TTC23L: variants seen among roughly 807,000 people sequenced by gnomAD.
The protein encoded by TTC23L is tetratricopeptide repeat protein 23-like.
Under a neutral mutation model 48.1 loss-of-function variants are expected in TTC23L, and 42 were observed. The observed-to-expected ratio is 0.87, with a 90% CI of 0.68 to 1.13. TTC23L has a LOEUF of 1.13. TTC23L is among the 50% of genes most tolerant of loss of function. The probability of loss-of-function intolerance (pLI) is 0.00; values close to 1 mark genes in which losing one functional copy is unlikely to be tolerated. For synonymous variants in TTC23L, 159 were observed against 157.2 expected, an observed-to-expected ratio of 1.01 and a Z score of -0.09; for missense variants, 391 against 421.0, an observed-to-expected ratio of 0.93 and a Z score of 0.62.
the TTC23L span, among the ~76,000 whole-genome samples, chr5:34,911,068 C>T: frequency 6.6e-6 from 1 of 152,174 alleles, no homozygotes; most frequent in African/African-American, 2.4e-5. Context: ...CTTGGCTTCA[C>T]CTTGGTTTTA....
chr5:34,908,613 G>A, the TTC23L span: 2 of 599,522 alleles, frequency 3.3e-6, no homozygotes, highest in Non-Finnish European at 5.7e-6. Context: ...ACAAAACATA[G>A]TAACTATTAG....
At chr5:34,916,020 T>C in the TTC23L span, 2 of 1,174,530 alleles carry the variant, frequency 1.7e-6, no homozygotes, top group African/African-American at 3.1e-5. Flanking sequence ...GGTAGGTCGG[T>C]TTTAGCAATT....
intron 6 of TTC23L, 93 bp from the exon 7 acceptor site, chr5:34,866,799 G>A: frequency 7.7e-7 from 1 of 1,291,882 alleles, no homozygotes; most frequent in Non-Finnish European, 1.0e-6. Flanking sequence ...GCCTGTGAAG[G>A]CCAAATTCTT....
chr5:34,920,400 A>G, the TTC23L span: 1 of 152,192 alleles, frequency 6.6e-6, no homozygotes, highest in Non-Finnish European at 1.5e-5. Context: ...ATAAATTTAC[A>G]TTTTAAAGCA....
At chr5:34,840,138 C>T (rs1442602833) in intron 1 of TTC23L, among the ~76,000 whole-genome samples, 1 of 151,682 alleles carries the variant, frequency 6.6e-6, no homozygotes, top group Non-Finnish European at 1.5e-5. Context: ...GTGATCCACC[C>T]GCCTCGGCTT....
the TTC23L span, chr5:34,911,633 G>C: frequency 8.1e-6 from 13 of 1,613,982 alleles, no homozygotes; most frequent in Middle Eastern, 1.6e-4. Context: ...GCTTCACGGA[G>C]CCCCTCTGAC....
At chr5:34,897,111 T>C (rs2111866314) in intron 10 of TTC23L, among the ~76,000 whole-genome samples, 1 of 152,146 alleles carries the variant, frequency 6.6e-6, no homozygotes, top group Middle Eastern at 3.4e-3. Flanking sequence ...TTCGGCTGGG[T>C]GCTGTAGCTC....
intron 4 of TTC23L, among the ~76,000 whole-genome samples, chr5:34,856,595 A>T (rs1760147455): frequency 6.6e-6 from 1 of 152,242 alleles, no homozygotes; most frequent in Non-Finnish European, 1.5e-5. Flanking sequence ...AGGTTGAAGT[A>T]ATAGGAGTTG....
chr5:34,847,791 A>G (rs1261068806), intron 3 of TTC23L, among the ~76,000 whole-genome samples: 1 of 152,202 alleles, frequency 6.6e-6, no homozygotes, highest in Non-Finnish European at 1.5e-5. Flanking sequence ...CATCAGGGGA[A>G]GTTTCCTTCT....
downstream of TTC23L, among the ~76,000 whole-genome samples, chr5:34,903,144 A>G (rs1273601577): frequency 6.6e-6 from 1 of 152,128 alleles, no homozygotes; most frequent in South Asian, 2.1e-4. Flanking sequence ...CTGCATTTGG[A>G]TTGTTTTTAA....
chr5:34,845,018 G>A (rs1000467660), intron 2 of TTC23L, among the ~76,000 whole-genome samples: 3 of 152,050 alleles, frequency 2.0e-5, no homozygotes, highest in Non-Finnish European at 2.9e-5. Context: ...CAGAATTTTA[G>A]AACACAGATA....
chr5:34,875,022 A>G (rs1241787895), intron 8 of TTC23L, among the ~76,000 whole-genome samples: 1 of 152,198 alleles, frequency 6.6e-6, no homozygotes, highest in Non-Finnish European at 1.5e-5. Context: ...CAAATACACT[A>G]TACTAACATT....
the TTC23L span, chr5:34,922,814 A>G: frequency 6.5e-7 from 1 of 1,548,972 alleles, no homozygotes. Flanking sequence ...CTTATCTGGC[A>G]TGGTTGTTTT....
At chr5:34,857,576 A>G (rs1402197419) in intron 4 of TTC23L, among the ~76,000 whole-genome samples, 3 of 152,226 alleles carry the variant, frequency 2.0e-5, no homozygotes, top group Non-Finnish European at 4.4e-5. Context: ...TTCTGTAAAC[A>G]GTGCTATGAA....
At chr5:34,901,455 T>G (rs1270327851), downstream of TTC23L, among the ~76,000 whole-genome samples, 1 of 152,160 alleles carries the variant, frequency 6.6e-6, no homozygotes, top group African/African-American at 2.4e-5. Flanking sequence ...GAAAGGACCA[T>G]TTTATTTTAT....
the TTC23L span, among the ~76,000 whole-genome samples, chr5:34,917,233 G>A: frequency 6.6e-6 from 1 of 152,200 alleles, no homozygotes; most frequent in East Asian, 1.9e-4. Flanking sequence ...TTCATTTGGG[G>A]CAATAATGAT....
At chr5:34,855,060 G>A (rs1455900063) in intron 4 of TTC23L, among the ~76,000 whole-genome samples, 1 of 152,194 alleles carries the variant, frequency 6.6e-6, no homozygotes, top group Non-Finnish European at 1.5e-5. Flanking sequence ...GAAGGTGTGG[G>A]CCAAGGCATA....
chr5:34,854,745 G>A (rs1759982137), intron 4 of TTC23L, among the ~76,000 whole-genome samples: 1 of 152,176 alleles, frequency 6.6e-6, no homozygotes, highest in Non-Finnish European at 1.5e-5. Flanking sequence ...CAGTCATTCA[G>A]TGAGTAGTGA....
At chr5:34,861,898 C>T (rs1760692923) in intron 4 of TTC23L, among the ~76,000 whole-genome samples, 2 of 152,140 alleles carry the variant, frequency 1.3e-5, no homozygotes, top group Non-Finnish European at 2.9e-5. Context: ...CCTCTGTTGA[C>T]TGGACAAATA....
Sources: allele counts gnomAD v4.1 joint callset (sites outside exome capture counted in the v4.1 genomes callset), GRCh38; gene constraint gnomAD v4.1.1; transcripts MANE v1.5; gene names NCBI Gene and HGNC (gene_info 2026-07-23, HGNC 2026-07-21).